PTPRK: variants seen among roughly 807,000 people sequenced by gnomAD.
PTPRK encodes the protein protein tyrosine phosphatase receptor type K, also known as receptor-type tyrosine-protein phosphatase kappa.
Under a neutral mutation model 178.0 loss-of-function variants are expected in PTPRK, and 75 were observed. The observed-to-expected ratio is 0.42, with a 90% CI of 0.35 to 0.51. The LOEUF (loss-of-function observed/expected upper bound fraction) is 0.51. PTPRK is among the 20% of genes least tolerant of loss of function. PTPRK has a pLI of 0.02. For synonymous variants in PTPRK, 637 were observed against 620.6 expected, an observed-to-expected ratio of 1.03 and a Z score of -0.39; for missense variants, 1,441 against 1,797.8, an observed-to-expected ratio of 0.80 and a Z score of 3.59.
rs1218969129 is a variant in PTPRK at position 128,000,361 on chromosome 6, A to C, written c.2495-1457T>G. On this transcript the variant is annotated intron_variant, in intron 15 of 29. Transcript: ENST00000368226. ...GAAGGGAAAAAAAAAAGAACCCTAC[A>C]ATCAGATTTGTGTGCCTCTGTAATT... is the stretch of plus-strand genomic sequence containing the variant. 3 of 1,242,856 alleles carry C rather than the reference A, an allele frequency of 2.4e-6. No individual in the cohort carries two copies. In the Admixed American group the frequency reaches 9.6e-5, roughly 40 times the overall value. 77.0% of individuals were successfully genotyped at this position (1,242,856 alleles called of 1,614,324 possible).
At chr6:128,313,877 A>C (rs1020814744) in intron 3 of PTPRK, among the ~76,000 whole-genome samples, 1 of 152,350 alleles carries the variant, frequency 6.6e-6, no homozygotes, top group East Asian at 1.9e-4. Flanking sequence ...GTACAAGATG[A>C]GACTAAGAAT....
intron 7 of PTPRK, among the ~76,000 whole-genome samples, chr6:128,104,752 T>A (rs1301971339): frequency 2.0e-5 from 3 of 152,176 alleles, no homozygotes; most frequent in African/African-American, 7.2e-5. Flanking sequence ...AAAATGAGAT[T>A]TAAACAACTG....
intron 2 of PTPRK, among the ~76,000 whole-genome samples, chr6:128,365,039 G>A (rs964269282): frequency 6.6e-6 from 1 of 151,986 alleles, no homozygotes; most frequent in East Asian, 1.9e-4. Flanking sequence ...GGTTTGTAAC[G>A]TAGACTGTAT....
intron 13 of PTPRK, among the ~76,000 whole-genome samples, chr6:128,051,474 T>G (rs779083028): frequency 3.3e-5 from 5 of 152,230 alleles, no homozygotes; most frequent in Non-Finnish European, 7.3e-5. Context: ...CATCCCAGTT[T>G]GCAAACCCAG....
intron 8 of PTPRK, among the ~76,000 whole-genome samples, chr6:128,087,917 G>A (rs545796320): frequency 6.6e-6 from 1 of 152,212 alleles, no homozygotes; most frequent in South Asian, 2.1e-4. Context: ...CAGAGTGGGA[G>A]AGTTTGAAAT....
chr6:127,973,116 A>T lies in PTPRK; in HGVS notation c.4175T>A (p.Ile1392Asn). 6.2e-7 allele frequency: 1 copy of T among 1,614,074 alleles called. No homozygotes were observed. Among genetic ancestry groups the T allele is most frequent in the Non-Finnish European group, 8.5e-7 (1 of 1,179,960 alleles). The change falls in exon 29 of 30, where the codon ATC becomes AAC. Residue 1392 changes from isoleucine (I) to asparagine (N), a missense_variant. Ile to Asn is a moderately radical substitution (Grantham distance 149). Transcript: ENST00000368226. The part of the protein sequence containing the change: ...GRSGMFCAIG[I>N]VVEMVKRQNV... ...TTGCCGTTTCACCATTTCAACAACG[A>T]TGCCTATAGCACAGAACATGCCACT...
Position 128,082,549 on chromosome 6 carries a change from G to A in PTPRK, c.1665C>T (p.His555=), listed in dbSNP as rs369552190. The part of the protein sequence containing the change: ...QTVSNLWNST[H]HVFMHLHPGT... The stretch of plus-strand genomic sequence containing the variant: ...CAGGGTGGAGATGCATAAAGACATG[G>A]TGTGTACTGTTCCATAAATTTGATA... Residue 555 remains histidine, a synonymous_variant, in exon 10 of 30, where the codon CAC becomes CAT. Coordinates refer to ENST00000368226, the MANE Select transcript of PTPRK (RefSeq NM_002844.4). 3.1e-6 allele frequency: 5 copies of A among 1,612,196 alleles called. No homozygotes were observed. Among genetic ancestry groups the A allele is most frequent in the Admixed American group, 1.7e-5 (1 of 59,890 alleles).
Position 128,490,321 on chromosome 6 carries a change from C to A in PTPRK, c.100+29938G>T, listed in dbSNP as rs185904051. 2.0e-5 allele frequency among the ~76,000 whole-genome samples: 3 copies of A among 152,154 alleles called. No homozygotes were observed. The East Asian group carries it at 5.8e-4, about 29-fold the overall frequency. ...GTTTGCTGACCCTACTTATTCTGAG[C>A]CATGAAATTGCTCAAACCAGAGCAA... On this transcript the variant is annotated intron_variant, in intron 1 of 29. Transcript: ENST00000368226.
intron 6 of PTPRK, among the ~76,000 whole-genome samples, chr6:128,209,764 G>T (rs75482044): frequency 2.0e-5 from 3 of 152,184 alleles, no homozygotes; most frequent in East Asian, 3.9e-4. Context: ...AAGGAGCAGG[G>T]TGATTAGAAA....
In PTPRK at chr6:127,975,829, T is replaced by A. The variant is rs540164266; in HGVS notation, c.3969+828A>T. Among the ~76,000 whole-genome samples, 4 of 152,072 alleles carry A rather than the reference T, an allele frequency of 2.6e-5. No homozygotes were observed. The East Asian group carries it at 5.8e-4, about 22-fold the overall frequency. The stretch of plus-strand genomic sequence containing the variant: ...TGGGACTACAGGCATGCCACCACCA[T>A]GTCCAGCTAATTTTTGTATTTTTAG... On this transcript the variant is annotated intron_variant, in intron 27 of 29. Coordinates refer to ENST00000368226, the MANE Select transcript of PTPRK (RefSeq NM_002844.4).
chr6:128,474,943 C>A (rs1851188553), intron 1 of PTPRK, among the ~76,000 whole-genome samples: 1 of 152,120 alleles, frequency 6.6e-6, no homozygotes, highest in African/African-American at 2.4e-5. Flanking sequence ...AAATGTGAAA[C>A]AATCTCCTTT....
At chr6:128,033,501 A>C (rs1775695954) in intron 13 of PTPRK, among the ~76,000 whole-genome samples, 1 of 152,174 alleles carries the variant, frequency 6.6e-6, no homozygotes, top group Non-Finnish European at 1.5e-5. Context: ...TTTTTGTTTT[A>C]TTTTACTGAT....
chr6:127,974,644 C>T (rs544742118), intron 27 of PTPRK, among the ~76,000 whole-genome samples: 7 of 152,306 alleles, frequency 4.6e-5, no homozygotes, highest in Admixed American at 6.5e-5. Context: ...ATACTACTAT[C>T]GCAAAGAGGT....
At chr6:128,380,783 C>T (rs1837794611) in intron 2 of PTPRK, among the ~76,000 whole-genome samples, 2 of 152,090 alleles carry the variant, frequency 1.3e-5, no homozygotes, top group Non-Finnish European at 2.9e-5. Flanking sequence ...AGACAGCCAA[C>T]CTATCAGATT....
In PTPRK at chr6:128,240,095, G is replaced by A. The variant is rs753344100; in HGVS notation, c.633C>T (p.Asn211=). The change falls in exon 5 of 30, where the codon AAC becomes AAT. Residue 211 remains asparagine (N), a synonymous_variant. Coordinates refer to ENST00000368226, the MANE Select transcript of PTPRK (RefSeq NM_002844.4). Reference sequence around the variant, plus strand: ...CTGTGGCAATGCACTGAAATGTAGCGTTTTGCCCTGCATTCACCTCTACAT... The same window carrying A: ...CTGTGGCAATGCACTGAAATGTAGCATTTTGCCCTGCATTCACCTCTACAT... The part of the protein sequence containing the change: ...LGDVEVNAGQ[N]ATFQCIATGR... 31 of 1,613,922 alleles carry A rather than the reference G, an allele frequency of 1.9e-5. No individual in the cohort carries two copies. The highest frequency in any genetic ancestry group is 1.5e-4 in the Admixed American group (9 of 59,998).
chr6:128,203,290 T>C (rs1207670752), intron 6 of PTPRK, among the ~76,000 whole-genome samples: 1 of 152,144 alleles, frequency 6.6e-6, no homozygotes, highest in Admixed American at 6.5e-5. Flanking sequence ...CAGCCATATA[T>C]GACAAACCCA....
At chr6:128,129,682 A>G (rs1257907663) in intron 7 of PTPRK, among the ~76,000 whole-genome samples, 1 of 152,180 alleles carries the variant, frequency 6.6e-6, no homozygotes, top group Admixed American at 6.6e-5. Context: ...ACGAATGTAT[A>G]AACATAATGG....
At chr6:128,395,010 T>C (rs976525560) in intron 2 of PTPRK, among the ~76,000 whole-genome samples, 1 of 152,178 alleles carries the variant, frequency 6.6e-6, no homozygotes, top group Admixed American at 6.5e-5. Context: ...TGTTTTGTTT[T>C]TGTTTGTGTT....
At chr6:128,172,634 G>GTA (rs920719057) in intron 7 of PTPRK, among the ~76,000 whole-genome samples, 1 of 149,858 alleles carries the variant, frequency 6.7e-6, no homozygotes, top group African/African-American at 2.5e-5. Flanking sequence ...TAGTGTGTGT[G>GTA]TATATATATA....
Sources: allele counts gnomAD v4.1 joint callset (sites outside exome capture counted in the v4.1 genomes callset), GRCh38; gene constraint gnomAD v4.1.1; transcripts MANE v1.5; gene names NCBI Gene and HGNC (gene_info 2026-07-23, HGNC 2026-07-21).